IL1RAP: variants seen among roughly 807,000 people sequenced by gnomAD.
The protein encoded by IL1RAP is interleukin-1 receptor accessory protein.
A neutral mutation model predicts 60.7 loss-of-function variants in IL1RAP; 35 were observed. The observed-to-expected ratio is 0.58, with a 90% CI of 0.44 to 0.76. The LOEUF (loss-of-function observed/expected upper bound fraction) is 0.76, where lower values mean the gene tolerates loss of function less well. Ranked by LOEUF, IL1RAP falls within the 30% of genes least tolerant of loss-of-function variation. IL1RAP has a pLI of 0.00. For synonymous variants in IL1RAP, 268 were observed against 250.9 expected (o/e 1.07, Z -0.64); for missense variants, 572 against 693.9 (o/e 0.82, Z 1.97).
At chr3:190,606,023 A>G (rs977993610) in intron 4 of IL1RAP, among the ~76,000 whole-genome samples, 1 of 152,138 alleles carries the variant, frequency 6.6e-6, no homozygotes, top group African/African-American at 2.4e-5. Flanking sequence ...TGTTATGATT[A>G]TGTGAAAAAA....
intron 3 of IL1RAP, among the ~76,000 whole-genome samples, chr3:190,576,981 G>A (rs1172165485): frequency 2.0e-5 from 3 of 151,508 alleles, no homozygotes; most frequent in African/African-American, 4.9e-5. Flanking sequence ...GGCGCCTGTA[G>A]TCCCAGCTAC....
chr3:190,607,172 C>T (rs1448561016), intron 4 of IL1RAP, among the ~76,000 whole-genome samples: 1 of 151,888 alleles, frequency 6.6e-6, no homozygotes, highest in Non-Finnish European at 1.5e-5. Context: ...AGTCTTTATT[C>T]ATAAGTCATT....
At chr3:190,657,771 T>C (rs1021411543) in exon 12 of IL1RAP, 2 of 152,182 alleles carry the variant, frequency 1.3e-5, no homozygotes, top group African/African-American at 4.8e-5. Flanking sequence ...AAGGGTCAGC[T>C]TCAGGCCGGG....
chr3:190,644,932 T>C (rs1274175898), intron 10 of IL1RAP, among the ~76,000 whole-genome samples: 1 of 152,190 alleles, frequency 6.6e-6, no homozygotes, highest in African/African-American at 2.4e-5. Context: ...TCCACACTCC[T>C]TGTACTCAGA....
intron 2 of IL1RAP, among the ~76,000 whole-genome samples, 160 bp downstream of exon 2, chr3:190,556,376 T>TTA (rs965178826): frequency 4.5e-4 from 69 of 151,734 alleles, no homozygotes; most frequent in African/African-American, 5.8e-4. Flanking sequence ...ATAGCATTTT[T>TTA]TATATATATA....
In IL1RAP at chr3:190,632,572, T is replaced by G. The variant is rs572267588; in HGVS notation, c.1051+3074T>G. ...CCCAGTTTGTGAATTCATTTTCTTT[T>G]AAACAGAATCTTTAAAACTTTGATG... On this transcript the variant is annotated intron_variant, in intron 9 of 11. Transcript: ENST00000447382. Among the ~76,000 whole-genome samples the G allele has an allele frequency of 1.6e-4, 24 of 152,374 alleles. 1 individual carries two copies. The South Asian group carries it at 4.8e-3, about 30-fold the overall frequency.
At chr3:190,637,239 C>G (rs1733298129) in intron 9 of IL1RAP, among the ~76,000 whole-genome samples, 1 of 152,102 alleles carries the variant, frequency 6.6e-6, no homozygotes, top group Admixed American at 6.5e-5. Flanking sequence ...ACTATCCATT[C>G]TTGGTAACAT....
rs140183684 is a variant in IL1RAP, at chr3:190,546,850, C to T, written c.-88-9280C>T. On this transcript the variant is annotated intron_variant, in intron 1 of 11. Coordinates refer to ENST00000447382, the MANE Select transcript of IL1RAP (RefSeq NM_002182.4). Reference sequence around the variant, plus strand: ...ATCTGTGTCATCTATTCACATTTAGCGTAAGGGCTCCGCATAGTAGGTATC... The same window carrying T: ...ATCTGTGTCATCTATTCACATTTAGTGTAAGGGCTCCGCATAGTAGGTATC... Among the ~76,000 whole-genome samples, 818 of 152,282 alleles carry T rather than the reference C, an allele frequency of 5.4e-3. 4 individuals carry two copies. Among genetic ancestry groups the T allele is most frequent in the African/African-American group, 0.016 (683 of 41,558 alleles).
chr3:190,550,005 AG>A (rs1238651634), intron 1 of IL1RAP, among the ~76,000 whole-genome samples: 1 of 152,154 alleles, frequency 6.6e-6, no homozygotes, highest in Non-Finnish European at 1.5e-5. Context: ...GAGGGAGAGA[AG>A]GAAGAGTGTC....
At chr3:190,619,585 C>A (rs1203725047) in intron 5 of IL1RAP, among the ~76,000 whole-genome samples, 1 of 151,968 alleles carries the variant, frequency 6.6e-6, no homozygotes, top group Non-Finnish European at 1.5e-5. Flanking sequence ...ATTAGCCAGG[C>A]ATGGTGGCGC....
At chr3:190,549,413 T>C (rs1353800893) in intron 1 of IL1RAP, among the ~76,000 whole-genome samples, 1 of 151,108 alleles carries the variant, frequency 6.6e-6, no homozygotes, top group Non-Finnish European at 1.5e-5. Flanking sequence ...GGGTGCTGTT[T>C]TGGGAAAAAT....
At chr3:190,624,269 A>G (rs958141199) in intron 7 of IL1RAP, among the ~76,000 whole-genome samples, 1 of 152,260 alleles carries the variant, frequency 6.6e-6, no homozygotes, top group Non-Finnish European at 1.5e-5. Context: ...TTGTTCTGAA[A>G]TAATTATCCT....
chr3:190,620,643 GAATA>G (rs1460115878), intron 6 of IL1RAP, among the ~76,000 whole-genome samples: 1 of 152,136 alleles, frequency 6.6e-6, no homozygotes, highest in East Asian at 1.9e-4. Flanking sequence ...ATGAATATGT[GAATA>G]AATGAATGAA....
Position 190,645,832 on chromosome 3 carries a change from G to C in IL1RAP, c.1335G>C (p.Leu445=). The C allele has an allele frequency of 3.1e-6, 5 of 1,613,022 alleles. No homozygotes were observed. Among genetic ancestry groups the C allele is most frequent in the Non-Finnish European group, 4.2e-6 (5 of 1,179,450 alleles). Residue 445 remains leucine (L), a synonymous_variant, in exon 11 of 12, where the codon CTG becomes CTC. Coordinates refer to ENST00000447382, the MANE Select transcript of IL1RAP (RefSeq NM_002182.4). ...TGTGCATCTTTGACCGAGACAGTCTGCCTGGGGGAAGTAGGTATTTCAGAG... is the reference window on the plus strand; with the variant it reads ...TGTGCATCTTTGACCGAGACAGTCTCCCTGGGGGAAGTAGGTATTTCAGAG... ...YKLCIFDRDS[L]PGGIVTDETL...
chr3:190,553,884 A>AC (rs1162144617), intron 1 of IL1RAP, among the ~76,000 whole-genome samples: 2 of 150,676 alleles, frequency 1.3e-5, no homozygotes, highest in Admixed American at 6.6e-5. Context: ...AAACGGTGAA[A>AC]CCCCGCCTCT....
At position 190,609,119 on chromosome 3, in the gene IL1RAP, A is replaced by G; in HGVS notation, c.475A>G (p.Thr159Ala). ...LYIEYGIQRI[T>A]CPNVDGYFPS... Reference sequence around the variant, plus strand: ...TATAGAATATGGCATTCAGAGGATCACTTGTCCAAATGTAGATGGATATTT... The same window carrying G: ...TATAGAATATGGCATTCAGAGGATCGCTTGTCCAAATGTAGATGGATATTT... The change falls in exon 5 of 12, where the codon ACT becomes GCT. Residue 159 changes from threonine to alanine, a missense_variant. Coordinates refer to ENST00000447382, the MANE Select transcript of IL1RAP (RefSeq NM_002182.4). The G allele has an allele frequency of 6.2e-7, 1 of 1,613,104 alleles. No homozygotes were observed. The highest frequency in any genetic ancestry group is 2.2e-5 in the East Asian group (1 of 44,810).
exon 12 of IL1RAP, chr3:190,658,981 C>T (rs1362015007): frequency 6.6e-6 from 1 of 152,124 alleles, no homozygotes; most frequent in East Asian, 1.9e-4. Context: ...AATAATCCAT[C>T]CTTGATGTAT....
intron 5 of IL1RAP, chr3:190,615,147 G>A (rs1731158703): frequency 6.5e-6 from 1 of 154,746 alleles, no homozygotes; most frequent in East Asian, 1.9e-4. Flanking sequence ...TTTAACTCCT[G>A]TGAGTTAAAC....
chr3:190,655,382 C>T (rs1734580859), downstream of IL1RAP, among the ~76,000 whole-genome samples: 1 of 151,988 alleles, frequency 6.6e-6, no homozygotes, highest in Admixed American at 6.6e-5. Context: ...GAAAATACTA[C>T]AAAGATATAA....
Sources: gnomAD v4.1 joint callset for allele counts (sites outside exome capture counted in the v4.1 genomes callset) on GRCh38, gnomAD v4.1.1 for gene constraint, MANE v1.5 for transcripts, NCBI Gene and HGNC (gene_info 2026-07-23, HGNC 2026-07-21) for gene names.